The following BCR variants were observed in gnomAD, a reference collection of about 807,000 sequenced individuals.
BCR encodes the protein BCR activator of RhoGEF and GTPase, also known as breakpoint cluster region protein.
In BCR, 58 loss-of-function variants were observed where a neutral mutation model predicts 138.6. That is an observed-to-expected ratio of 0.42 (90% confidence interval 0.34 to 0.52). The LOEUF is 0.52. Ranked by LOEUF, BCR falls within the 20% of genes least tolerant of loss-of-function variation. The probability of loss-of-function intolerance (pLI) is 0.06; values close to 1 mark genes in which losing one functional copy is unlikely to be tolerated. For missense variants in BCR, 1,599 were observed against 1,727.2 expected, an observed-to-expected ratio of 0.93 and a Z score of 1.32; for synonymous variants, 786 against 730.1, an observed-to-expected ratio of 1.08 and a Z score of -1.23.
intron 1 of BCR, among the ~76,000 whole-genome samples, chr22:23,240,565 G>T (rs1013386126): frequency 2.0e-5 from 3 of 152,076 alleles, no homozygotes; most frequent in African/African-American, 7.2e-5. Flanking sequence ...GCAGGAGAAT[G>T]GCGTGAACCC....
chr22:23,226,993 G>A (rs763844102), intron 1 of BCR, among the ~76,000 whole-genome samples: 1 of 152,192 alleles, frequency 6.6e-6, no homozygotes, highest in African/African-American at 2.4e-5. Context: ...TGACCTGGAG[G>A]TGTCTGGAGC....
At chr22:23,279,310 G>A (rs1738087644) in intron 8 of BCR, among the ~76,000 whole-genome samples, 1 of 152,232 alleles carries the variant, frequency 6.6e-6, no homozygotes, top group Non-Finnish European at 1.5e-5. Flanking sequence ...AGAGTCTGCA[G>A]GGAGGGCAAG....
In BCR at chr22:23,181,897, C is replaced by G; in HGVS notation, c.937C>G (p.Arg313Gly). Residue 313 changes from arginine to glycine, a missense_variant, in exon 1 of 23, where the codon CGC becomes GGC. Coordinates refer to ENST00000305877, the MANE Select transcript of BCR (RefSeq NM_004327.4). ...GCAGGAGAAGCGCCTTACCTGGCCCCGCAGGTCCTACTCCCCCCGGAGTTT... is the reference window on the plus strand; with the variant it reads ...GCAGGAGAAGCGCCTTACCTGGCCCGGCAGGTCCTACTCCCCCCGGAGTTT... ...SEQEKRLTWP[R>G]RSYSPRSFED... 6.2e-7 allele frequency: 1 copy of G among 1,613,424 alleles called. No individual in the cohort carries two copies. The highest frequency in any genetic ancestry group is 8.5e-7 in the Non-Finnish European group (1 of 1,179,928).
In BCR at chr22:23,205,262, G is replaced by A. The variant is rs1034026445; in HGVS notation, c.1279+23023G>A. ...AGGGCATAAGGACAGGAAGGATACC[G>A]GCACTGAACGTTGTCACTCCTGTGG... On this transcript the variant is annotated intron_variant, in intron 1 of 22. Coordinates refer to ENST00000305877, the MANE Select transcript of BCR (RefSeq NM_004327.4). Among the ~76,000 whole-genome samples, 10 of 152,174 alleles carry A rather than the reference G, an allele frequency of 6.6e-5. No individual in the cohort carries two copies. In the South Asian group the frequency reaches 1.5e-3, roughly 22 times the overall value.
intron 1 of BCR, among the ~76,000 whole-genome samples, chr22:23,186,608 A>T (rs547585001): frequency 6.6e-6 from 1 of 152,090 alleles, no homozygotes; most frequent in Admixed American, 6.5e-5. Context: ...GAATTCAGCT[A>T]TTATAGATAC....
chr22:23,261,278 C>T lies in BCR; in HGVS notation c.1567-77C>T, dbSNP rs189544210. ...AAGTGCATATGTCAGGTAACCATGA[C>T]TGTCTACTGCCATACAATGCACCTG... On this transcript the variant is annotated intron_variant, in intron 3 of 22. Transcript: ENST00000305877. 7.2e-4 allele frequency: 1,042 copies of T among 1,440,214 alleles called. 8 individuals are homozygous for T. In the African/African-American group the frequency reaches 0.013, roughly 19 times the overall value. The allele number at this position is 1,440,214 out of a possible 1,614,324, so 89.2% of individuals were successfully genotyped here.
intron 8 of BCR, 41 bp downstream of exon 8, chr22:23,273,815 T>C (rs776194307): frequency 6.8e-6 from 11 of 1,610,546 alleles, no homozygotes; most frequent in Non-Finnish European, 9.3e-6. Flanking sequence ...CCCATCCTGC[T>C]GAGCTGGGGG....
chr22:23,246,381 A>G (rs113877982), intron 1 of BCR, among the ~76,000 whole-genome samples: 22 of 152,336 alleles, frequency 1.4e-4, no homozygotes, highest in Non-Finnish European at 2.5e-4. Flanking sequence ...ATGGTGAGCA[A>G]TGCTATTCCA....
intron 1 of BCR, 70 bp downstream of exon 1, chr22:23,182,309 A>G: frequency 4.9e-6 from 7 of 1,435,646 alleles, no homozygotes; most frequent in Non-Finnish European, 6.4e-6. Flanking sequence ...AGTAGGGGAT[A>G]CAAAACAGAA....
At chr22:23,212,659 T>C (rs1458532834) in intron 1 of BCR, among the ~76,000 whole-genome samples, 1 of 152,208 alleles carries the variant, frequency 6.6e-6, no homozygotes, top group African/African-American at 2.4e-5. Context: ...GCATGTGGAC[T>C]TGGCTTATGG....
At chr22:23,302,668 AAG>A (rs2073915709) in intron 16 of BCR, 1 of 152,250 alleles carries the variant, frequency 6.6e-6, no homozygotes, top group Non-Finnish European at 1.5e-5. Context: ...ACGGGGGAGA[AAG>A]AGGCCAGGCT....
At chr22:23,289,670 A>C in intron 13 of BCR, 49 bp downstream of exon 13, 1 of 1,508,996 alleles carries the variant, frequency 6.6e-7, no homozygotes. Flanking sequence ...GAGGGCAGGC[A>C]GCTAGCCTGA....
chr22:23,314,179 C>A, intron 21 of BCR, 106 bp downstream of exon 21: 3 of 920,068 alleles, frequency 3.3e-6, no homozygotes, highest in East Asian at 2.5e-5. Flanking sequence ...TCTCCTGACC[C>A]TTGTCTGCAG....
intron 1 of BCR, among the ~76,000 whole-genome samples, chr22:23,221,644 G>C (rs1022468037): frequency 2.6e-5 from 4 of 152,236 alleles, no homozygotes; most frequent in African/African-American, 9.7e-5. Context: ...GGTCTGGTAG[G>C]GGGCAGGGTC....
At chr22:23,273,867 T>C (rs1428440278) in intron 8 of BCR, 93 bp downstream of exon 8, 2 of 1,536,946 alleles carry the variant, frequency 1.3e-6, no homozygotes, top group Admixed American at 3.4e-5. Context: ...CCCTTCCTGG[T>C]CCTCAGCAGA....
At chr22:23,206,060 G>A (rs1032088017) in intron 1 of BCR, among the ~76,000 whole-genome samples, 1 of 152,208 alleles carries the variant, frequency 6.6e-6, no homozygotes, top group Admixed American at 6.5e-5. Flanking sequence ...TTTCCTCAGA[G>A]AAGTTGCCGG....
At chr22:23,241,592 G>T (rs1435845079) in intron 1 of BCR, among the ~76,000 whole-genome samples, 1 of 152,052 alleles carries the variant, frequency 6.6e-6, no homozygotes, top group Non-Finnish European at 1.5e-5. Flanking sequence ...GGACTTTTCT[G>T]GTCAGTTCCC....
intron 16 of BCR, among the ~76,000 whole-genome samples, chr22:23,297,221 G>GTTTTTTTTTTTT (rs796682596): frequency 8.7e-6 from 1 of 114,910 alleles, no homozygotes; most frequent in Non-Finnish European, 1.7e-5. Context: ...TTTGTTTTTT[G>GTTTTTTTTTTTT]TTTTTTTTTT....
chr22:23,238,372 G>A (rs987163378), intron 1 of BCR, among the ~76,000 whole-genome samples: 1 of 152,018 alleles, frequency 6.6e-6, no homozygotes. Context: ...GCCACCTCCC[G>A]GTCTGTTCCT....
Sources: gnomAD v4.1 joint callset for allele counts (sites outside exome capture counted in the v4.1 genomes callset) on GRCh38, gnomAD v4.1.1 for gene constraint, MANE v1.5 for transcripts, NCBI Gene and HGNC (gene_info 2026-07-23, HGNC 2026-07-21) for gene names.